ART3: variants seen among roughly 807,000 people sequenced by gnomAD.
The protein encoded by ART3 is ADP-ribosyltransferase 3 (inactive), also known as ecto-ADP-ribosyltransferase 3.
In ART3, 49 loss-of-function variants were observed where a neutral mutation model predicts 48.5. The observed-to-expected ratio is 1.01, with a 90% confidence interval of 0.80 to 1.28. The LOEUF (loss-of-function observed/expected upper bound fraction) is 1.28, where lower values mean the gene tolerates loss of function less well. Among genes scored for constraint, ART3 ranks in the 50% most tolerant of loss-of-function variants. The pLI, the probability that ART3 is intolerant of heterozygous loss-of-function variation, is 0.00. For synonymous variants in ART3, 145 were observed against 157.2 expected, an observed-to-expected ratio of 0.92 and a Z score of 0.58; for missense variants, 438 against 454.3, an observed-to-expected ratio of 0.96 and a Z score of 0.33.
intron 1 of ART3, among the ~76,000 whole-genome samples, chr4:76,042,315 A>T (rs1461155476): frequency 6.6e-6 from 1 of 152,264 alleles, no homozygotes; most frequent in Non-Finnish European, 1.5e-5. Flanking sequence ...GGTAGTATCA[A>T]GGATATTTTA....
At chr4:76,100,363 T>C (rs1431688887) in intron 6 of ART3, 43 bp downstream of exon 6, 1 of 1,590,040 alleles carries the variant, frequency 6.3e-7, no homozygotes, top group Non-Finnish European at 8.6e-7. Flanking sequence ...CCAGGCGTGG[T>C]GGCTTATGCC....
chr4:76,057,083 A>G (rs1468073949), intron 1 of ART3, among the ~76,000 whole-genome samples: 2 of 152,168 alleles, frequency 1.3e-5, no homozygotes, highest in Non-Finnish European at 2.9e-5. Context: ...CATAATTGGA[A>G]TGAGGTTTTG....
rs780283755 is a variant in ART3 at position 76,112,494 on chromosome 4, C to G, written c.1145C>G (p.Ala382Gly). ...GTCATCATTTTAATCAGTGTTTCTG[C>G]TATAAATCTCTTTGTTGCTCTGTAG... Reference protein sequence around the residue: ...GMVIILISVSAINLFVAL With the variant: ...GMVIILISVSGINLFVAL Residue 382 changes from alanine to glycine, a missense_variant, in exon 12 of 12, where the codon GCT becomes GGT. Ala to Gly is a moderately conservative substitution (Grantham distance 60). Transcript: ENST00000355810. The G allele has an allele frequency of 6.2e-7, 1 of 1,613,846 alleles. No homozygotes were observed. Among genetic ancestry groups the G allele is most frequent in the South Asian group, 1.1e-5 (1 of 91,022 alleles).
intron 3 of ART3, among the ~76,000 whole-genome samples, chr4:76,090,924 C>G (rs1289789434): frequency 6.6e-6 from 1 of 152,124 alleles, no homozygotes; most frequent in East Asian, 1.9e-4. Flanking sequence ...GTTTCCCAGT[C>G]CCCCCAGGCA....
At chr4:76,108,246 T>C (rs1728841407) in intron 11 of ART3, among the ~76,000 whole-genome samples, 1 of 152,072 alleles carries the variant, frequency 6.6e-6, no homozygotes. Context: ...GATGTTTACA[T>C]TTATGCAAAT....
At chr4:76,013,083 A>G (rs1362434080) in intron 1 of ART3, among the ~76,000 whole-genome samples, 1 of 152,206 alleles carries the variant, frequency 6.6e-6, no homozygotes, top group African/African-American at 2.4e-5. Flanking sequence ...TTATAGAAGA[A>G]GTGGTATGAT....
chr4:76,104,298 G>A (rs1560655269), intron 9 of ART3: 7 of 950,612 alleles, frequency 7.4e-6, no homozygotes, highest in South Asian at 4.9e-5. Context: ...CTACCTTTAC[G>A]CACAAGTTGA....
chr4:76,112,534 T>A lies in ART3; in HGVS notation c.*15T>A, dbSNP rs999076689. ...TTGCTCTGTAGTTTGATGCATTGTT[T>A]ATCTTTCTTATTCTTTACTTGAAAT... is the stretch of plus-strand genomic sequence containing the variant. On this transcript the variant is annotated 3_prime_UTR_variant, in exon 12 of 12. Coordinates refer to ENST00000355810, the MANE Select transcript of ART3 (RefSeq NM_001130016.3). 1 of 1,605,680 alleles carries A rather than the reference T, an allele frequency of 6.2e-7. No homozygotes were observed.
At chr4:76,106,573 G>C (rs996815866) in intron 10 of ART3, among the ~76,000 whole-genome samples, 1 of 152,142 alleles carries the variant, frequency 6.6e-6, no homozygotes, top group Non-Finnish European at 1.5e-5. Context: ...TTGTGTGTCT[G>C]TTCCCATACA....
In ART3 at chr4:76,112,756, TGATTA is replaced by T. The variant is rs1402783640; in HGVS notation, c.*238_*242del. ...AAAAATCCCGAAAACTGTATACTTC[TGATTA>T]AATTCAATAAAAGATTTTGATTAGA... On this transcript the variant is annotated 3_prime_UTR_variant, in exon 12 of 12. Transcript: ENST00000355810. 33 of 367,098 alleles carry T rather than the reference TGATTA, an allele frequency of 9.0e-5. No individual in the cohort carries two copies. The South Asian group carries it at 2.0e-3, about 23-fold the overall frequency. The allele number at this position is 367,098 out of a possible 1,614,324, so 22.7% of individuals were successfully genotyped here.
At chr4:76,089,590 G>A (rs1470977927) in intron 3 of ART3, among the ~76,000 whole-genome samples, 1 of 152,132 alleles carries the variant, frequency 6.6e-6, no homozygotes, top group Non-Finnish European at 1.5e-5. Context: ...CGAATCATGA[G>A]CCAATCAAAA....
Position 76,031,804 on chromosome 4 carries a change from A to G in ART3, c.-10+20484A>G, listed in dbSNP as rs141793549. ...CTGGGCTACAGCAGCTTTCTTTTAC[A>G]CTTATGAGAGAGCAGATATTAGGCA... On this transcript the variant is annotated intron_variant, in intron 1 of 9. Coordinates refer to the ART3 transcript ENST00000341029. 2.8e-4 allele frequency among the ~76,000 whole-genome samples: 42 copies of G among 152,286 alleles called. 1 individual carries two copies. In the East Asian group the frequency reaches 7.9e-3, roughly 29 times the overall value.
At chr4:76,104,691 A>T in intron 10 of ART3, 62 bp downstream of exon 10, 1 of 1,533,774 alleles carries the variant, frequency 6.5e-7, no homozygotes, top group Non-Finnish European at 8.8e-7. Context: ...AGTCACCATT[A>T]GATATGCATG....
upstream of ART3, among the ~76,000 whole-genome samples, chr4:76,070,604 C>T (rs7694603): frequency 0.21 from 31,794 of 152,118 alleles, 5,713 homozygotes; most frequent in African/African-American, 0.49. Context: ...TGGAACTGAA[C>T]GTAGCTGGAG....
upstream of ART3, among the ~76,000 whole-genome samples, chr4:76,071,706 T>C (rs370509552): frequency 3.3e-5 from 5 of 152,224 alleles, no homozygotes; most frequent in African/African-American, 1.2e-4. Flanking sequence ...GTAAGTATTT[T>C]CTTCACTTGA....
Position 76,076,357 on chromosome 4 carries a change from G to A in ART3, c.69+399G>A, listed in dbSNP as rs117326257. Among the ~76,000 whole-genome samples, 185 of 152,282 alleles carry A rather than the reference G, an allele frequency of 1.2e-3. 2 individuals are homozygous for A. The East Asian group carries it at 0.028, about 23-fold the overall frequency. On this transcript the variant is annotated intron_variant, in intron 2 of 11. Transcript: ENST00000355810. The stretch of plus-strand genomic sequence containing the variant: ...CCTGAGGCATCTGTGTGGCTTGATG[G>A]TGGAAATGAAAGTAGGTAGGATAGG...
At chr4:76,022,927 CACTT>C in intron 1 of ART3, 1 of 1,085,486 alleles carries the variant, frequency 9.2e-7, no homozygotes, top group Admixed American at 2.3e-5. Flanking sequence ...AGCAAATAGT[CACTT>C]AATCTGAGGA....
intron 2 of ART3, among the ~76,000 whole-genome samples, chr4:76,079,288 A>G (rs4859610): frequency 0.68 from 102,887 of 151,960 alleles, 36,248 homozygotes; most frequent in South Asian, 0.86. Context: ...TGTTAAACTT[A>G]GTGATAGAGT....
At chr4:76,092,114 G>T (rs1279755531) in intron 3 of ART3, among the ~76,000 whole-genome samples, 1 of 152,138 alleles carries the variant, frequency 6.6e-6, no homozygotes, top group African/African-American at 2.4e-5. Context: ...GCTTCCATAT[G>T]AATTTTAGAA....
Sources: allele counts gnomAD v4.1 joint callset (sites outside exome capture counted in the v4.1 genomes callset), GRCh38; gene constraint gnomAD v4.1.1; transcripts MANE v1.5; gene names NCBI Gene and HGNC (gene_info 2026-07-23, HGNC 2026-07-21).